AGBL4: variants seen among roughly 807,000 people sequenced by gnomAD.
AGBL4 encodes cytosolic carboxypeptidase 6.
AGBL4 carries 58 observed loss-of-function variants against 66.4 expected under a neutral mutation model. That is an observed-to-expected ratio of 0.87 (90% CI 0.71 to 1.09). The LOEUF (loss-of-function observed/expected upper bound fraction) is 1.09. Among genes scored for constraint, AGBL4 ranks in the 50% least tolerant of loss-of-function variants. The probability of loss-of-function intolerance (pLI) is 0.00; values close to 1 mark genes in which losing one functional copy is unlikely to be tolerated. For synonymous variants in AGBL4, 234 were observed against 222.9 expected, an observed-to-expected ratio of 1.05 and a Z score of -0.44; for missense variants, 579 against 631.0, an observed-to-expected ratio of 0.92 and a Z score of 0.88.
intron 1 of AGBL4, among the ~76,000 whole-genome samples, chr1:49,924,902 C>T (rs1292292107): frequency 2.0e-5 from 3 of 152,106 alleles, no homozygotes; most frequent in African/African-American, 4.8e-5. Flanking sequence ...TGCAGTGCTG[C>T]CACCACTGAA....
chr1:48,647,640 A>C (rs1469810118), intron 8 of AGBL4: 1 of 449,670 alleles, frequency 2.2e-6, no homozygotes. Flanking sequence ...ACAGGGTTTC[A>C]TATTGTTGTA....
At chr1:48,998,746 T>C (rs1299780857) in intron 5 of AGBL4, among the ~76,000 whole-genome samples, 1 of 152,216 alleles carries the variant, frequency 6.6e-6, no homozygotes, top group African/African-American at 2.4e-5. Flanking sequence ...CAGTGTAGAC[T>C]GCTCAATTCA....
At chr1:48,817,502 T>C (rs886411309) in intron 6 of AGBL4, 1 of 152,384 alleles carries the variant, frequency 6.6e-6, no homozygotes, top group African/African-American at 2.4e-5. Flanking sequence ...AATAATTTTC[T>C]ATCATTCAAT....
chr1:48,616,756 T>C lies in AGBL4; in HGVS notation c.951+17737A>G, dbSNP rs557214706. On this transcript the variant is annotated intron_variant, in intron 9 of 13. Coordinates refer to ENST00000371839, the MANE Select transcript of AGBL4 (RefSeq NM_032785.4). ...ACCCAAAGCTTCAGAATCCTTAGTG[T>C]CTTTTCTCCTTCACAAAAGTCATAA... Among the ~76,000 whole-genome samples the C allele has an allele frequency of 1.2e-4, 18 of 152,350 alleles. No individual in the cohort carries two copies. The East Asian group carries it at 3.5e-3, about 29-fold the overall frequency.
rs568560940 is a variant in AGBL4 at position 48,894,176 on chromosome 1, TGAA to T, written c.595-26949_595-26947del. Among the ~76,000 whole-genome samples, 472 of 152,356 alleles carry T rather than the reference TGAA, an allele frequency of 3.1e-3. 3 individuals carry two copies. The highest frequency in any genetic ancestry group is 0.01 in the African/African-American group (420 of 41,568). Reference sequence around the variant, plus strand: ...CTTAATGGTTAATTAGCTGAAATGATGAAGATTTAGCTATAAGGAAGTTTATCA... The same window carrying T: ...CTTAATGGTTAATTAGCTGAAATGATGATTTAGCTATAAGGAAGTTTATCA... On this transcript the variant is annotated intron_variant, in intron 5 of 13. Transcript: ENST00000371839.
At chr1:49,229,465 A>C (rs1570140635) in intron 4 of AGBL4, among the ~76,000 whole-genome samples, 2 of 152,340 alleles carry the variant, frequency 1.3e-5, no homozygotes, top group East Asian at 3.9e-4. Context: ...TCCTGTTTAA[A>C]GAAACAACTG....
chr1:49,234,603 C>T (rs899106135), intron 4 of AGBL4, among the ~76,000 whole-genome samples: 14 of 152,034 alleles, frequency 9.2e-5, no homozygotes, highest in Admixed American at 8.5e-4. Context: ...TTTTTGTGGC[C>T]TTTGTGTTTT....
At chr1:49,368,254 C>CA (rs1318174779) in intron 3 of AGBL4, among the ~76,000 whole-genome samples, 1 of 152,086 alleles carries the variant, frequency 6.6e-6, no homozygotes, top group Non-Finnish European at 1.5e-5. Context: ...AACCAGCTTT[C>CA]AATTCTTGGG....
intron 3 of AGBL4, among the ~76,000 whole-genome samples, chr1:49,264,935 T>C (rs1175599546): frequency 6.6e-6 from 1 of 152,252 alleles, no homozygotes; most frequent in Non-Finnish European, 1.5e-5. Context: ...TTAAGATTTA[T>C]TTGGTTTCAA....
intron 3 of AGBL4, among the ~76,000 whole-genome samples, chr1:49,649,533 C>T (rs1571247343): frequency 1.3e-5 from 2 of 152,140 alleles, no homozygotes; most frequent in Non-Finnish European, 2.9e-5. Flanking sequence ...GAAACTTCAA[C>T]GCCCCTTTAT....
intron 1 of AGBL4, among the ~76,000 whole-genome samples, chr1:49,948,033 T>TATTTATATATATAA (rs1655501429): frequency 4.2e-4 from 12 of 28,388 alleles, no homozygotes; most frequent in African/African-American, 8.0e-4. Flanking sequence ...TATAAATATA[T>TATTTATATATATAA]ATACATATAA....
chr1:49,399,895 TG>T (rs1428354020), intron 3 of AGBL4, among the ~76,000 whole-genome samples: 1 of 152,072 alleles, frequency 6.6e-6, no homozygotes, highest in Non-Finnish European at 1.5e-5. Context: ...TCTGTGCCTG[TG>T]GGGAATTACT....
At chr1:48,586,179 C>T (rs551890753) in intron 11 of AGBL4, 2 of 152,154 alleles carry the variant, frequency 1.3e-5, no homozygotes, top group Non-Finnish European at 2.9e-5. Flanking sequence ...AGAGTTACTA[C>T]CTAATCCTTA....
At chr1:49,317,422 T>A (rs1645059742) in intron 3 of AGBL4, among the ~76,000 whole-genome samples, 1 of 151,928 alleles carries the variant, frequency 6.6e-6, no homozygotes, top group African/African-American at 2.4e-5. Context: ...TGCTCCAGAA[T>A]AAGTGATCAA....
chr1:49,698,449 C>A (rs927628709), intron 2 of AGBL4, among the ~76,000 whole-genome samples: 4 of 152,058 alleles, frequency 2.6e-5, no homozygotes, highest in Non-Finnish European at 4.4e-5. Context: ...ACTATTTGAT[C>A]CTCTCAACAA....
intron 3 of AGBL4, among the ~76,000 whole-genome samples, chr1:49,284,442 G>C (rs1303076161): frequency 6.6e-6 from 1 of 151,924 alleles, no homozygotes. Context: ...AGACCATCGA[G>C]ACTAGGAAGA....
intron 8 of AGBL4, among the ~76,000 whole-genome samples, chr1:48,640,471 G>T (rs1301693896): frequency 1.3e-5 from 2 of 152,144 alleles, no homozygotes; most frequent in African/African-American, 4.8e-5. Context: ...GCAAACATGG[G>T]TTAGATAGTT....
At position 49,232,745 on chromosome 1, in the gene AGBL4, T is replaced by C. The variant is rs191282408; in HGVS notation, c.377+13025A>G. Among the ~76,000 whole-genome samples, 36 of 19,792 alleles carry C rather than the reference T, an allele frequency of 1.8e-3. No individual in the cohort carries two copies. In the Admixed American group the frequency reaches 0.022, roughly 12 times the overall value. The allele number at this position is 19,792 out of a possible 152,430, so 13.0% of individuals were successfully genotyped here. A position where few individuals can be genotyped will look rare whatever the true frequency, so the allele number is the denominator to read the frequency against. On this transcript the variant is annotated intron_variant, in intron 4 of 13. Transcript: ENST00000371839. Reference sequence around the variant, plus strand: ...ACTACAGGAAGTCAGAGTGTACTGCTGACTTTATGGTTTTTTTGTTTTGTT... The same window carrying C: ...ACTACAGGAAGTCAGAGTGTACTGCCGACTTTATGGTTTTTTTGTTTTGTT...
At chr1:49,029,841 A>C (rs923474385) in intron 5 of AGBL4, among the ~76,000 whole-genome samples, 4 of 152,228 alleles carry the variant, frequency 2.6e-5, no homozygotes, top group Non-Finnish European at 5.9e-5. Flanking sequence ...ATAGATCAAT[A>C]GAATGTAACT....
Sources: allele counts gnomAD v4.1 joint callset (sites outside exome capture counted in the v4.1 genomes callset), GRCh38; gene constraint gnomAD v4.1.1; transcripts MANE v1.5; gene names NCBI Gene and HGNC (gene_info 2026-07-23, HGNC 2026-07-21).